The following SLX4IP variants were observed in gnomAD, a reference collection of about 807,000 sequenced individuals.
The protein encoded by SLX4IP is SLX4 interacting protein.
A neutral mutation model predicts 32.9 loss-of-function variants in SLX4IP; 34 were observed. The observed-to-expected ratio is 1.03, with a 90% CI of 0.79 to 1.38. The LOEUF is 1.38. Among genes scored for constraint, SLX4IP ranks in the 40% most tolerant of loss-of-function variants. SLX4IP has a pLI of 0.00. For synonymous variants in SLX4IP, 172 were observed against 171.7 expected (o/e 1.00, Z -0.01); for missense variants, 444 against 479.0 (o/e 0.93, Z 0.68).
intron 1 of SLX4IP, among the ~76,000 whole-genome samples, chr20:10,451,610 A>C (rs1399240958): frequency 6.6e-6 from 1 of 152,214 alleles, no homozygotes; most frequent in Non-Finnish European, 1.5e-5. Flanking sequence ...TAAAACAACA[A>C]GCATGTAAAC....
chr20:10,616,434 A>C (rs2067032318), intron 6 of SLX4IP, among the ~76,000 whole-genome samples: 1 of 149,848 alleles, frequency 6.7e-6, no homozygotes. Flanking sequence ...AAATAAATAA[A>C]ATGTCAAGTC....
intron 4 of SLX4IP, among the ~76,000 whole-genome samples, chr20:10,576,755 A>G (rs1601023277): frequency 1.3e-5 from 2 of 152,328 alleles, no homozygotes; most frequent in East Asian, 3.9e-4. Context: ...GAATGAATAG[A>G]TAAGTATATA....
chr20:10,463,928 T>A (rs536814752), intron 2 of SLX4IP, among the ~76,000 whole-genome samples: 15 of 152,262 alleles, frequency 9.9e-5, no homozygotes, highest in South Asian at 6.2e-4. Context: ...TTACATTTCA[T>A]AATATTGTGA....
chr20:10,569,225 G>A (rs1016402157), intron 4 of SLX4IP, among the ~76,000 whole-genome samples: 11 of 140,850 alleles, frequency 7.8e-5, no homozygotes, highest in Non-Finnish European at 1.2e-4. Flanking sequence ...CACTCTTGTC[G>A]CCCAGGCTGG....
Position 10,488,166 on chromosome 20 carries a change from C to T in SLX4IP, c.27+29935C>T, listed in dbSNP as rs181087965. Among the ~76,000 whole-genome samples the T allele has an allele frequency of 9.7e-4, 148 of 152,288 alleles. 1 individual carries two copies. Among genetic ancestry groups the T allele is most frequent in the African/African-American group, 3.2e-3 (132 of 41,548 alleles). On this transcript the variant is annotated intron_variant, in intron 2 of 7. Transcript: ENST00000334534. ...AATGTATGTTGACATTCTAACCCTT[C>T]AGGACCTCAGAATGTGACCTTATTT...
chr20:10,539,520 G>T (rs2066080704), intron 2 of SLX4IP, among the ~76,000 whole-genome samples: 1 of 151,910 alleles, frequency 6.6e-6, no homozygotes, highest in African/African-American at 2.4e-5. Flanking sequence ...AGAAGAAAGT[G>T]ACCATCACCA....
chr20:10,552,988 T>C (rs759109665), intron 2 of SLX4IP, among the ~76,000 whole-genome samples: 1 of 152,178 alleles, frequency 6.6e-6, no homozygotes, highest in African/African-American at 2.4e-5. Context: ...TGTTGAGACA[T>C]GTTTTACCGC....
At chr20:10,517,513 A>G (rs1317706167) in intron 2 of SLX4IP, among the ~76,000 whole-genome samples, 2 of 152,234 alleles carry the variant, frequency 1.3e-5, no homozygotes, top group Non-Finnish European at 2.9e-5. Flanking sequence ...GACATATGTT[A>G]TGAGTTAGAA....
chr20:10,625,435 C>T lies in SLX4IP; in HGVS notation c.*2056C>T, dbSNP rs985536128. 2.0e-5 allele frequency: 3 copies of T among 152,206 alleles called. No individual in the cohort carries two copies. The highest frequency in any genetic ancestry group is 4.8e-5 in the African/African-American group (2 of 41,456). The allele number at this position is 152,206 out of a possible 1,614,324, so 9.4% of individuals were successfully genotyped here. ...AGGGGGGAGATATTTGAGCTGGAGC[C>T]ACCAGAGAACATTTCTATTGAGAAG... On this transcript the variant is annotated 3_prime_UTR_variant, in exon 8 of 8. Transcript: ENST00000334534.
At chr20:10,463,556 T>A (rs2065355698) in intron 2 of SLX4IP, among the ~76,000 whole-genome samples, 1 of 152,150 alleles carries the variant, frequency 6.6e-6, no homozygotes, top group Admixed American at 6.6e-5. Flanking sequence ...AGACAGAGGG[T>A]TCCATGAAAG....
intron 2 of SLX4IP, among the ~76,000 whole-genome samples, chr20:10,484,662 T>A (rs1301928058): frequency 6.6e-6 from 1 of 152,138 alleles, no homozygotes; most frequent in Non-Finnish European, 1.5e-5. Context: ...CCTAAGTGAA[T>A]GAAAGAATAA....
intron 2 of SLX4IP, among the ~76,000 whole-genome samples, chr20:10,484,271 T>C (rs1568703053): frequency 6.6e-6 from 1 of 152,186 alleles, no homozygotes; most frequent in Non-Finnish European, 1.5e-5. Flanking sequence ...TAGCAAAATA[T>C]AGCATCTAGT....
intron 2 of SLX4IP, among the ~76,000 whole-genome samples, chr20:10,495,265 T>A (rs2065657229): frequency 6.6e-6 from 1 of 152,166 alleles, no homozygotes; most frequent in Admixed American, 6.5e-5. Flanking sequence ...ACTGTCTGAT[T>A]TTTTTAAGAT....
intron 3 of SLX4IP, among the ~76,000 whole-genome samples, chr20:10,556,974 T>C (rs1019224370): frequency 2.0e-5 from 3 of 152,170 alleles, no homozygotes; most frequent in African/African-American, 7.2e-5. Flanking sequence ...AAGTGCTGCT[T>C]GTGGTGGAGG....
intron 2 of SLX4IP, among the ~76,000 whole-genome samples, chr20:10,480,258 G>T (rs2065510200): frequency 6.6e-6 from 1 of 152,068 alleles, no homozygotes; most frequent in South Asian, 2.1e-4. Context: ...AACCAGGCAT[G>T]GTGGCATGCA....
At chr20:10,500,468 G>A (rs958857745) in intron 2 of SLX4IP, among the ~76,000 whole-genome samples, 1 of 152,102 alleles carries the variant, frequency 6.6e-6, no homozygotes, top group African/African-American at 2.4e-5. Flanking sequence ...GAAAAAGATG[G>A]GGCCAGGCAT....
intron 1 of SLX4IP, among the ~76,000 whole-genome samples, chr20:10,452,759 G>A (rs188655733): frequency 8.1e-4 from 123 of 151,278 alleles, no homozygotes; most frequent in African/African-American, 2.4e-3. Flanking sequence ...GCTGAGGCAG[G>A]AGGATCGCTT....
chr20:10,529,399 G>A (rs2065967218), intron 2 of SLX4IP, among the ~76,000 whole-genome samples: 1 of 151,790 alleles, frequency 6.6e-6, no homozygotes, highest in Admixed American at 6.6e-5. Context: ...AATTAGCCTG[G>A]CCAACAGGGT....
At chr20:10,454,614 A>G (rs763935423) in intron 1 of SLX4IP, among the ~76,000 whole-genome samples, 21 of 152,184 alleles carry the variant, frequency 1.4e-4, no homozygotes, top group Non-Finnish European at 2.5e-4. Flanking sequence ...ATAATATTCT[A>G]TTGTATGATA....
Sources: gnomAD v4.1 joint callset for allele counts (sites outside exome capture counted in the v4.1 genomes callset) on GRCh38, gnomAD v4.1.1 for gene constraint, MANE v1.5 for transcripts, NCBI Gene and HGNC (gene_info 2026-07-23, HGNC 2026-07-21) for gene names.